Variants in LARGE1 observed in about 807,000 individuals in gnomAD.
LARGE1 encodes the protein xylosyl- and glucuronyltransferase LARGE1.
Under a neutral mutation model 87.6 loss-of-function variants are expected in LARGE1, and 43 were observed. The ratio of observed to expected loss-of-function variants is 0.49; its 90% CI spans 0.38 to 0.63. The LOEUF (loss-of-function observed/expected upper bound fraction) is 0.63. Among genes scored for constraint, LARGE1 ranks in the 30% least tolerant of loss-of-function variants. The pLI is 0.00. For missense variants in LARGE1, 802 were observed against 1,000.2 expected (o/e 0.80, Z 2.67); for synonymous variants, 434 against 394.6 (o/e 1.10, Z -1.18).
intron 2 of LARGE1, among the ~76,000 whole-genome samples, chr22:33,754,626 G>A (rs979896307): frequency 2.0e-5 from 3 of 152,102 alleles, no homozygotes; most frequent in Non-Finnish European, 2.9e-5. Context: ...GTGAGCCACC[G>A]TGCCCGGCCA....
rs997064619 is a variant in LARGE1 at position 33,265,008 on chromosome 22, C to A, written c.1730+39221G>T. ...CTCTGCTTCCCAGGTTCAAGTGATTCTCCTGCTTCAGCCTCCTGAGTAGCT... is the reference window on the plus strand; with the variant it reads ...CTCTGCTTCCCAGGTTCAAGTGATTATCCTGCTTCAGCCTCCTGAGTAGCT... On this transcript the variant is annotated intron_variant, in intron 11 of 11. Transcript: ENST00000608642. 8.0e-5 allele frequency among the ~76,000 whole-genome samples: 11 copies of A among 137,322 alleles called. No individual in the cohort carries two copies. The Admixed American group carries it at 9.2e-4, about 12-fold the overall frequency. The allele number at this position is 137,322 out of a possible 152,430, so 90.1% of individuals were successfully genotyped here.
the LARGE1 span, among the ~76,000 whole-genome samples, chr22:33,111,972 C>T: frequency 1.3e-4 from 20 of 152,122 alleles, no homozygotes; most frequent in African/African-American, 3.4e-4. Flanking sequence ...ATAGCTGGAA[C>T]GTAGAATATG....
intron 5 of LARGE1, among the ~76,000 whole-genome samples, chr22:33,590,834 A>C (rs983519230): frequency 6.6e-6 from 1 of 152,182 alleles, no homozygotes; most frequent in Admixed American, 6.5e-5. Flanking sequence ...CAGTGGACAT[A>C]GGTTTTATTT....
intron 4 of LARGE1, among the ~76,000 whole-genome samples, chr22:33,610,032 C>T (rs1045654007): frequency 6.6e-5 from 10 of 152,108 alleles, no homozygotes; most frequent in Non-Finnish European, 1.3e-4. Context: ...CAAGCAGATG[C>T]TGGTGCCATG....
chr22:33,385,354 C>A (rs1235211695), intron 7 of LARGE1, among the ~76,000 whole-genome samples: 7 of 146,278 alleles, frequency 4.8e-5, no homozygotes, highest in African/African-American at 1.5e-4. Context: ...CATGGTGAAA[C>A]CCCATCTCTA....
At chr22:33,852,697 A>G (rs1228400423) in intron 1 of LARGE1, among the ~76,000 whole-genome samples, 1 of 151,714 alleles carries the variant, frequency 6.6e-6, no homozygotes, top group African/African-American at 2.4e-5. Context: ...AAAAACATAT[A>G]TACAAAAAAT....
intron 6 of LARGE1, among the ~76,000 whole-genome samples, chr22:33,543,696 G>A (rs2148655749): frequency 6.6e-6 from 1 of 152,336 alleles, no homozygotes; most frequent in East Asian, 1.9e-4. Context: ...CTTCAGGCAT[G>A]GCTGGAACTA....
At chr22:33,467,538 T>G (rs2068665705) in intron 6 of LARGE1, among the ~76,000 whole-genome samples, 1 of 152,232 alleles carries the variant, frequency 6.6e-6, no homozygotes, top group Non-Finnish European at 1.5e-5. Context: ...AGTAGATGTG[T>G]TGATGTTACC....
chr22:33,244,835 G>C (rs929550775), intron 11 of LARGE1, among the ~76,000 whole-genome samples: 1 of 152,104 alleles, frequency 6.6e-6, no homozygotes, highest in Non-Finnish European at 1.5e-5. Context: ...TACGTAAGGA[G>C]GGGGAGGGGA....
chr22:33,396,081 T>G (rs779937452), intron 7 of LARGE1, among the ~76,000 whole-genome samples: 14 of 152,194 alleles, frequency 9.2e-5, no homozygotes, highest in Non-Finnish European at 1.8e-4. Context: ...AAAATGAAGA[T>G]TTGCTCCTTA....
intron 2 of LARGE1, among the ~76,000 whole-genome samples, chr22:33,736,796 T>C (rs957334772): frequency 2.0e-5 from 3 of 152,222 alleles, no homozygotes; most frequent in Non-Finnish European, 4.4e-5. Flanking sequence ...TACTTTATTT[T>C]CATTTTTACT....
chr22:33,309,168 G>A (rs1256204659), intron 11 of LARGE1, among the ~76,000 whole-genome samples: 31 of 149,578 alleles, frequency 2.1e-4, no homozygotes, highest in Non-Finnish European at 1.5e-5. Flanking sequence ...TGAGATTCGT[G>A]CCTTTTTTTT....
intron 2 of LARGE1, among the ~76,000 whole-genome samples, chr22:33,758,012 G>T (rs1421110678): frequency 1.3e-5 from 2 of 152,110 alleles, no homozygotes; most frequent in African/African-American, 4.8e-5. Context: ...TCCCTCCCAC[G>T]ATACTGGACT....
intron 3 of LARGE1, among the ~76,000 whole-genome samples, chr22:33,631,997 G>A (rs2080125531): frequency 2.0e-5 from 3 of 152,192 alleles, no homozygotes; most frequent in South Asian, 4.1e-4. Flanking sequence ...ACACATGACT[G>A]TATAGACATA....
At chr22:33,185,231 T>C (rs975929600) in intron 11 of LARGE1, among the ~76,000 whole-genome samples, 1 of 152,110 alleles carries the variant, frequency 6.6e-6, no homozygotes, top group Non-Finnish European at 1.5e-5. Flanking sequence ...GACAAAGATA[T>C]AAGCTATCAA....
chr22:33,811,829 G>A (rs1438697819), intron 1 of LARGE1, among the ~76,000 whole-genome samples: 1 of 152,218 alleles, frequency 6.6e-6, no homozygotes. Flanking sequence ...GACACAGGAA[G>A]GAGGAGGCCG....
chr22:33,277,566 T>C (rs1485142400), intron 13 of LARGE1, among the ~76,000 whole-genome samples: 2 of 152,124 alleles, frequency 1.3e-5, no homozygotes, highest in Non-Finnish European at 2.9e-5. Context: ...AAGAATACCA[T>C]GTATAGACAT....
chr22:33,286,223 T>A (rs1569014514), intron 12 of LARGE1, among the ~76,000 whole-genome samples: 4 of 152,142 alleles, frequency 2.6e-5, no homozygotes, highest in Admixed American at 6.5e-5. Flanking sequence ...ACATCCAAGA[T>A]TCCCTCCTCT....
intron 6 of LARGE1, among the ~76,000 whole-genome samples, chr22:33,515,913 T>G (rs2071281737): frequency 6.6e-6 from 1 of 152,162 alleles, no homozygotes; most frequent in Non-Finnish European, 1.5e-5. Flanking sequence ...CTCCCACCTG[T>G]GTATTCCACA....
Sources: allele counts gnomAD v4.1 joint callset (sites outside exome capture counted in the v4.1 genomes callset), GRCh38; gene constraint gnomAD v4.1.1; transcripts MANE v1.5; gene names NCBI Gene and HGNC (gene_info 2026-07-23, HGNC 2026-07-21).